The following RANBP3 variants were observed in gnomAD, a reference collection of about 807,000 sequenced individuals.
The protein encoded by RANBP3 is RAN binding protein 3.
A neutral mutation model predicts 77.3 loss-of-function variants in RANBP3; 14 were observed. That is an observed-to-expected ratio of 0.18 (90% CI 0.12 to 0.28). The LOEUF is 0.28. RANBP3 is among the 10% of genes least tolerant of loss of function. The pLI is 1.00. For missense variants in RANBP3, 586 were observed against 752.3 expected, an observed-to-expected ratio of 0.78 and a Z score of 2.59; for synonymous variants, 315 against 312.4, an observed-to-expected ratio of 1.01 and a Z score of -0.09.
chr19:5,951,361 G>A (rs1448181733), intron 3 of RANBP3, 32 bp downstream of exon 3: 67 of 1,538,528 alleles, frequency 4.4e-5, no homozygotes, highest in Non-Finnish European at 5.6e-5. Context: ...CTCCCCCTGG[G>A]CGGTAGGAGT....
At chr19:5,935,749 CA>C (rs1269122516) in intron 5 of RANBP3, 5 of 456,646 alleles carry the variant, frequency 1.1e-5, no homozygotes, top group Non-Finnish European at 2.2e-5. Context: ...AGGCGTGCTC[CA>C]GGGGTAGCCA....
intron 1 of RANBP3, chr19:5,976,501 T>A (rs2058592634): frequency 6.6e-6 from 1 of 152,098 alleles, no homozygotes; most frequent in African/African-American, 2.4e-5. Flanking sequence ...ATCCCAGCAC[T>A]TTGGGAGGCC....
At position 5,917,419 on chromosome 19, in the gene RANBP3, T is replaced by C. The variant is rs1242358223; in HGVS notation, c.*191A>G. The C allele has an allele frequency of 6.9e-6, 4 of 582,558 alleles. No homozygotes were observed. The highest frequency in any genetic ancestry group is 1.9e-5 in the African/African-American group (1 of 53,350). The allele number at this position is 582,558 out of a possible 1,614,324, so 36.1% of individuals were successfully genotyped here. On this transcript the variant is annotated 3_prime_UTR_variant, in exon 17 of 17. Coordinates refer to ENST00000340578, the MANE Select transcript of RANBP3 (RefSeq NM_007322.3). ...CGCTCATCAATATGATGAGGTCTCG[T>C]GTCCCAAACCACATTCAGGCAGTTC...
At chr19:5,967,217 G>A (rs554813116) in intron 1 of RANBP3, among the ~76,000 whole-genome samples, 3 of 152,180 alleles carry the variant, frequency 2.0e-5, no homozygotes, top group African/African-American at 4.8e-5. Flanking sequence ...GGATGACTCC[G>A]TTCTTTTCTC....
intron 2 of RANBP3, 115 bp from the exon 3 acceptor site, chr19:5,951,711 C>T: frequency 1.0e-6 from 1 of 954,060 alleles, no homozygotes. Context: ...AGCTCCTGCG[C>T]CTGGGAGGAA....
At chr19:5,930,457 C>G (rs909040163) in intron 8 of RANBP3, among the ~76,000 whole-genome samples, 1 of 152,242 alleles carries the variant, frequency 6.6e-6, no homozygotes, top group Non-Finnish European at 1.5e-5. Flanking sequence ...TGACTTCAAA[C>G]CCATCTCTGC....
intron 2 of RANBP3, among the ~76,000 whole-genome samples, chr19:5,956,097 G>T (rs545547493): frequency 6.8e-4 from 104 of 152,154 alleles, no homozygotes; most frequent in African/African-American, 2.5e-3. Context: ...AAAGAGTGAG[G>T]CTCCGTCTCT....
chr19:5,941,083 G>A (rs926266219), intron 5 of RANBP3, among the ~76,000 whole-genome samples: 4 of 152,186 alleles, frequency 2.6e-5, no homozygotes, highest in African/African-American at 4.8e-5. Context: ...CCAGGCCCCC[G>A]CAAGCTCCTC....
chr19:5,953,093 G>T (rs142121004), intron 2 of RANBP3, among the ~76,000 whole-genome samples: 2 of 152,306 alleles, frequency 1.3e-5, no homozygotes, highest in East Asian at 3.9e-4. Context: ...GGACCAAGAA[G>T]TAAGTCATAA....
At chr19:5,946,838 A>G (rs1366128958) in intron 3 of RANBP3, among the ~76,000 whole-genome samples, 1 of 152,062 alleles carries the variant, frequency 6.6e-6, no homozygotes, top group Non-Finnish European at 1.5e-5. Flanking sequence ...CCAGCTCCAC[A>G]TTTTCCATTT....
At chr19:5,944,119 G>A (rs1411866723) in intron 3 of RANBP3, among the ~76,000 whole-genome samples, 1 of 152,196 alleles carries the variant, frequency 6.6e-6, no homozygotes, top group African/African-American at 2.4e-5. Context: ...CTGCACGCTG[G>A]GAGCAGATGA....
chr19:5,924,867 T>C lies in RANBP3; in HGVS notation c.956A>G (p.Asn319Ser). ...NSTNSADASS[N>S]KFVFGQNMSE... The stretch of plus-strand genomic sequence containing the variant: ...CATGTTCTGGCCAAATACAAATTTG[T>C]TGCTGGAGGCGTCGGCACTATTGGT... The change falls in exon 11 of 17, where the codon AAC becomes AGC. Residue 319 changes from asparagine to serine, a missense_variant. Asn to Ser is a conservative substitution (Grantham distance 46). Transcript: ENST00000340578. The surrounding 1 kb of genome is among the most constrained non-coding windows in gnomAD (Gnocchi z 4.7). 1 of 1,614,208 alleles carries C rather than the reference T, an allele frequency of 6.2e-7. No homozygotes were observed. The highest frequency in any genetic ancestry group is 8.5e-7 in the Non-Finnish European group (1 of 1,180,010).
At chr19:5,935,138 C>T (rs1381199812) in intron 5 of RANBP3, among the ~76,000 whole-genome samples, 1 of 152,154 alleles carries the variant, frequency 6.6e-6, no homozygotes, top group Non-Finnish European at 1.5e-5. Flanking sequence ...CCTTGTCAGC[C>T]CAAATTTTCA....
intron 3 of RANBP3, 26 bp from the exon 4 acceptor site, chr19:5,941,861 G>A (rs756286681): frequency 2.5e-6 from 4 of 1,611,974 alleles, no homozygotes; most frequent in Admixed American, 1.7e-5. Flanking sequence ...CACAGCCGGG[G>A]TCAGAGGGCA....
rs71172783 is a variant in RANBP3 at position 5,937,056 on chromosome 19, CAAAAAAAAAAAAAA to C, written c.407-3591_407-3578del. On this transcript the variant is annotated intron_variant, in intron 5 of 16. Coordinates refer to ENST00000340578, the MANE Select transcript of RANBP3 (RefSeq NM_007322.3). ...GGGCAACAGAGCAAGACTCTGTCTC[CAAAAAAAAAAAAAA>C]AAAAAAAAAAAAAAGGAAGAAAATC... 6.2e-4 allele frequency among the ~76,000 whole-genome samples: 23 copies of C among 37,180 alleles called. 1 individual carries two copies. The highest frequency in any genetic ancestry group is 2.0e-3 in the South Asian group (1 of 488). 24.4% of individuals were successfully genotyped at this position (37,180 alleles called of 152,430 possible).
intron 1 of RANBP3, among the ~76,000 whole-genome samples, chr19:5,966,630 C>T (rs150559515): frequency 1.6e-4 from 24 of 152,362 alleles, no homozygotes; most frequent in Non-Finnish European, 2.6e-4. Flanking sequence ...TCCCCACCAG[C>T]CCATGGCTGT....
Position 5,957,900 on chromosome 19 carries a change from A to G in RANBP3, c.78+18T>C. ...AATTAGAGTAACGAAGTGAAGAGAG[A>G]ACGTACCGGCCCCTTACCTTTTGTC... is the stretch of plus-strand genomic sequence containing the variant. On this transcript the variant is annotated intron_variant, in intron 2 of 16. Coordinates refer to ENST00000340578, the MANE Select transcript of RANBP3 (RefSeq NM_007322.3). 6.2e-7 allele frequency: 1 copy of G among 1,613,478 alleles called. No individual in the cohort carries two copies. Among genetic ancestry groups the G allele is most frequent in the Middle Eastern group, 1.6e-4 (1 of 6,062 alleles).
intron 2 of RANBP3, among the ~76,000 whole-genome samples, chr19:5,957,210 G>A (rs1293635881): frequency 4.6e-5 from 7 of 152,272 alleles, no homozygotes; most frequent in South Asian, 2.1e-4. Flanking sequence ...CATCCACACC[G>A]ATCTGTCAGG....
At chr19:5,927,478 C>T (rs2057927821) in intron 9 of RANBP3, among the ~76,000 whole-genome samples, 1 of 152,240 alleles carries the variant, frequency 6.6e-6, no homozygotes, top group African/African-American at 2.4e-5. Context: ...ATGTCAGGAG[C>T]ATTGGGTGGG....
Sources: allele counts gnomAD v4.1 joint callset (sites outside exome capture counted in the v4.1 genomes callset), GRCh38; gene constraint gnomAD v4.1.1; non-coding constraint Gnocchi (gnomAD v3.1); transcripts MANE v1.5; gene names NCBI Gene and HGNC (gene_info 2026-07-23, HGNC 2026-07-21).